Variants in ADAMTS17 observed in about 807,000 individuals in gnomAD.
ADAMTS17 encodes the protein ADAM metallopeptidase with thrombospondin type 1 motif 17, also known as A disintegrin and metalloproteinase with thrombospondin motifs 17.
ADAMTS17 carries 113 observed loss-of-function variants against 141.5 expected under a neutral mutation model. The observed-to-expected ratio is 0.80, with a 90% CI of 0.69 to 0.93. The LOEUF is 0.93. ADAMTS17 is among the 40% of genes least tolerant of loss of function. ADAMTS17 has a pLI of 0.00. For synonymous variants in ADAMTS17, 768 were observed against 630.6 expected (o/e 1.22, Z -3.27); for missense variants, 1,659 against 1,517.9 (o/e 1.09, Z -1.54).
intron 8 of ADAMTS17, among the ~76,000 whole-genome samples, chr15:100,183,851 T>C (rs2040609711): frequency 6.6e-6 from 1 of 152,224 alleles, no homozygotes; most frequent in Non-Finnish European, 1.5e-5. Context: ...GGCCCTGCAA[T>C]GTTATCCCAA....
At position 100,117,006 on chromosome 15, in the gene ADAMTS17, G is replaced by A; in HGVS notation, c.1729C>T (p.Pro577Ser). The A allele has an allele frequency of 1.2e-6, 2 of 1,610,768 alleles. No homozygotes were observed. Among genetic ancestry groups the A allele is most frequent in the South Asian group, 1.1e-5 (1 of 90,624 alleles). The change falls in exon 13 of 22, where the codon CCT (proline) becomes TCT (serine). Residue 577 changes from proline (P) to serine (S), a missense_variant. Coordinates refer to ENST00000268070, the MANE Select transcript of ADAMTS17 (RefSeq NM_139057.4). ...GCACCCGGGCAGTGTGTGCCTCCAG[G>A]CCCAGGGCTAGAAGGAAGAAGAAGG... ...QRKCDNPPPGPGGTHCPGASV... is the reference protein window; with the variant it reads ...QRKCDNPPPGSGGTHCPGASV...
chr15:100,051,082 A>G (rs2032100248), intron 17 of ADAMTS17, among the ~76,000 whole-genome samples: 1 of 152,242 alleles, frequency 6.6e-6, no homozygotes, highest in Non-Finnish European at 1.5e-5. Context: ...GCTGAGGTCA[A>G]GCAGGAAGTT....
chr15:100,050,454 G>A (rs1187262052), intron 17 of ADAMTS17, among the ~76,000 whole-genome samples: 1 of 152,204 alleles, frequency 6.6e-6, no homozygotes, highest in Non-Finnish European at 1.5e-5. Flanking sequence ...GCAGAGTGGA[G>A]GATGCAGGGC....
intron 15 of ADAMTS17, among the ~76,000 whole-genome samples, chr15:100,094,041 C>A (rs540188835): frequency 6.6e-6 from 1 of 151,818 alleles, no homozygotes; most frequent in South Asian, 2.1e-4. Flanking sequence ...ATATACAATC[C>A]ACATGGATGT....
intron 3 of ADAMTS17, among the ~76,000 whole-genome samples, chr15:100,326,069 A>T (rs2045891761): frequency 6.6e-6 from 1 of 152,228 alleles, no homozygotes; most frequent in African/African-American, 2.4e-5. Context: ...AAGCACAGAG[A>T]CATCAAGGGA....
rs988532761 is a variant in ADAMTS17 at position 99,986,830 on chromosome 15, G to T, written c.2949+6218C>A. ...AATACATAGACCCGGCATTCAGTGG[G>T]TGAAAACAACGATCAGCATTGTTTT... On this transcript the variant is annotated intron_variant, in intron 20 of 21. Transcript: ENST00000268070. Among the ~76,000 whole-genome samples, 4 of 152,194 alleles carry T rather than the reference G, an allele frequency of 2.6e-5. No individual in the cohort carries two copies. The East Asian group carries it at 7.7e-4, about 29-fold the overall frequency.
chr15:100,202,622 C>G (rs981735154), intron 7 of ADAMTS17, among the ~76,000 whole-genome samples: 1 of 152,286 alleles, frequency 6.6e-6, no homozygotes, highest in Non-Finnish European at 1.5e-5. Flanking sequence ...GAAAACAAAG[C>G]CCACCACTAT....
intron 20 of ADAMTS17, chr15:99,976,730 AGG>A (rs1237758789): frequency 1.4e-5 from 3 of 208,786 alleles, no homozygotes; most frequent in Non-Finnish European, 2.9e-5. Context: ...TAAATCGGGG[AGG>A]GTCTTCACCA....
intron 17 of ADAMTS17, among the ~76,000 whole-genome samples, chr15:100,051,028 A>G (rs1161201892): frequency 6.6e-6 from 1 of 152,196 alleles, no homozygotes; most frequent in Non-Finnish European, 1.5e-5. Flanking sequence ...CAACCATCCT[A>G]TTTCAGAAGT....
intron 17 of ADAMTS17, among the ~76,000 whole-genome samples, chr15:100,050,640 T>C (rs745309375): frequency 6.6e-6 from 1 of 152,210 alleles, no homozygotes; most frequent in Non-Finnish European, 1.5e-5. Flanking sequence ...GCTTTACATA[T>C]TGGACATCTA....
At chr15:100,028,872 T>G (rs1018149416) in intron 18 of ADAMTS17, among the ~76,000 whole-genome samples, 2 of 152,272 alleles carry the variant, frequency 1.3e-5, no homozygotes, top group Non-Finnish European at 2.9e-5. Context: ...GAACCTGCAC[T>G]TTGCCTTTTG....
At chr15:100,296,217 T>C (rs2142151868) in intron 3 of ADAMTS17, among the ~76,000 whole-genome samples, 1 of 152,120 alleles carries the variant, frequency 6.6e-6, no homozygotes. Context: ...AAACAACATG[T>C]TTTCCAATGA....
At position 99,974,300 on chromosome 15, in the gene ADAMTS17, T is replaced by C; in HGVS notation, c.*102A>G. The stretch of plus-strand genomic sequence containing the variant: ...GCTCATGTTCTATGTAGTTGGATTC[T>C]TGTGGCAGCCGGGTGGGGGCGTGGC... On this transcript the variant is annotated 3_prime_UTR_variant, in exon 22 of 22. Transcript: ENST00000268070. The C allele has an allele frequency of 6.7e-7, 1 of 1,498,302 alleles. No homozygotes were observed. Among genetic ancestry groups the C allele is most frequent in the Non-Finnish European group, 9.2e-7 (1 of 1,083,232 alleles). The allele number at this position is 1,498,302 out of a possible 1,614,324, so 92.8% of individuals were successfully genotyped here. A position where few individuals can be genotyped will look rare whatever the true frequency, so the allele number is the denominator to read the frequency against.
intron 12 of ADAMTS17, among the ~76,000 whole-genome samples, chr15:100,125,215 C>T (rs1384720422): frequency 3.9e-5 from 6 of 152,226 alleles, no homozygotes; most frequent in Non-Finnish European, 7.3e-5. Context: ...GAGCTGCTAA[C>T]GCACCCTCAG....
chr15:100,293,489 A>G (rs1248813648), intron 3 of ADAMTS17, among the ~76,000 whole-genome samples: 1 of 152,176 alleles, frequency 6.6e-6, no homozygotes, highest in African/African-American at 2.4e-5. Flanking sequence ...ATTCAAACTT[A>G]TAAATTAGAA....
chr15:100,127,694 G>A (rs760169722), intron 12 of ADAMTS17, among the ~76,000 whole-genome samples: 1 of 152,152 alleles, frequency 6.6e-6, no homozygotes, highest in Non-Finnish European at 1.5e-5. Context: ...CGATTCTCCC[G>A]CCTCAGCCTC....
chr15:100,111,587 C>T (rs1423678482), intron 13 of ADAMTS17, among the ~76,000 whole-genome samples: 4 of 152,244 alleles, frequency 2.6e-5, no homozygotes, highest in Non-Finnish European at 5.9e-5. Flanking sequence ...CACTGGGCTG[C>T]CTCTACTGTT....
At chr15:100,098,026 G>A (rs1203658325) in intron 14 of ADAMTS17, among the ~76,000 whole-genome samples, 1 of 152,138 alleles carries the variant, frequency 6.6e-6, no homozygotes, top group Non-Finnish European at 1.5e-5. Flanking sequence ...TCTGAAAAAG[G>A]GCAGAGCTTG....
intron 18 of ADAMTS17, among the ~76,000 whole-genome samples, chr15:100,048,304 G>C (rs2031869315): frequency 6.6e-6 from 1 of 152,190 alleles, no homozygotes; most frequent in South Asian, 2.1e-4. Context: ...AGGCTTAGCT[G>C]ATGAACGCAT....
Sources: gnomAD v4.1 joint callset for allele counts (sites outside exome capture counted in the v4.1 genomes callset) on GRCh38, gnomAD v4.1.1 for gene constraint, MANE v1.5 for transcripts, NCBI Gene and HGNC (gene_info 2026-07-23, HGNC 2026-07-21) for gene names.